Variants in FTO observed in about 807,000 individuals in gnomAD.
The protein encoded by FTO is alpha-ketoglutarate-dependent dioxygenase FTO.
Under a neutral mutation model 63.9 loss-of-function variants are expected in FTO, and 47 were observed. The ratio of observed to expected loss-of-function variants is 0.74; its 90% confidence interval spans 0.58 to 0.94. The LOEUF is 0.94. Among genes scored for constraint, FTO ranks in the 40% least tolerant of loss-of-function variants. FTO has a pLI of 0.00. For missense variants in FTO, 562 were observed against 618.1 expected (o/e 0.91, Z 0.96); for synonymous variants, 207 against 224.4 (o/e 0.92, Z 0.69).
Position 53,773,227 on chromosome 16 carries a change from C to T in FTO, c.46-36913C>T, listed in dbSNP as rs184724001. Among the ~76,000 whole-genome samples the T allele has an allele frequency of 1.7e-3, 254 of 151,972 alleles. 1 individual carries two copies. The highest frequency in any genetic ancestry group is 3.4e-3 in the African/African-American group (142 of 41,468). On this transcript the variant is annotated intron_variant, in intron 1 of 8. Coordinates refer to ENST00000471389, the MANE Select transcript of FTO (RefSeq NM_001080432.3). Reference sequence around the variant, plus strand: ...AAAGCAAGCATTTAGTTTGGGGAGCCCTCCAAATGTGATTTCTTCTACTCC... The same window carrying T: ...AAAGCAAGCATTTAGTTTGGGGAGCTCTCCAAATGTGATTTCTTCTACTCC...
At chr16:54,102,365 C>A (rs2144599392) in intron 8 of FTO, among the ~76,000 whole-genome samples, 1 of 152,262 alleles carries the variant, frequency 6.6e-6, no homozygotes, top group East Asian at 1.9e-4. Context: ...TTTACCAAAA[C>A]AAATCTCTTC....
chr16:53,825,933 G>T lies in FTO; in HGVS notation c.193G>T (p.Val65Phe), dbSNP rs1304763607. Residue 65 changes from valine to phenylalanine, a missense_variant, in exon 3 of 9, where the codon GTT becomes TTT. Physicochemically the swap from Val to Phe is conservative, Grantham distance 50. Coordinates refer to ENST00000471389, the MANE Select transcript of FTO (RefSeq NM_001080432.3). ...SSVSEELHKE[V>F]QEAFLTLHKH... ...TGTATCTGAGGAGCTCCATAAAGAG[G>T]TTCAAGAAGCCTTTCTCACACTGCA... is the stretch of plus-strand genomic sequence containing the variant. The T allele has an allele frequency of 1.2e-6, 2 of 1,614,006 alleles. No individual in the cohort carries two copies. Among genetic ancestry groups the T allele is most frequent in the Non-Finnish European group, 8.5e-7 (1 of 1,180,034 alleles).
chr16:53,937,439 A>G, intron 8 of FTO: 1 of 393,354 alleles, frequency 2.5e-6, no homozygotes, highest in Non-Finnish European at 4.5e-6. Context: ...GCGTAGCCCA[A>G]AGGTCAGTCT....
chr16:53,961,925 G>A (rs2083090253), intron 8 of FTO, among the ~76,000 whole-genome samples: 1 of 152,080 alleles, frequency 6.6e-6, no homozygotes, highest in Non-Finnish European at 1.5e-5. Context: ...CTAACTGGGA[G>A]TCCTTGAACA....
intron 8 of FTO, chr16:53,993,748 A>G (rs2083869425): frequency 6.6e-6 from 1 of 152,186 alleles, no homozygotes. Flanking sequence ...GGGTGATGTC[A>G]CTTAGGAAAG....
At chr16:54,049,206 C>T (rs2085257039) in intron 8 of FTO, among the ~76,000 whole-genome samples, 2 of 152,190 alleles carry the variant, frequency 1.3e-5, no homozygotes, top group African/African-American at 2.4e-5. Flanking sequence ...TGTAGTTCCA[C>T]AGCCTTAATT....
chr16:54,092,077 G>A (rs1177588478), intron 8 of FTO, among the ~76,000 whole-genome samples: 1 of 152,196 alleles, frequency 6.6e-6, no homozygotes, highest in Non-Finnish European at 1.5e-5. Context: ...AGGAGTTTGG[G>A]ACCAGCCTGG....
chr16:54,054,016 T>G lies in FTO; in HGVS notation c.1365-57746T>G, dbSNP rs1051312410. On this transcript the variant is annotated intron_variant, in intron 8 of 8. Coordinates refer to ENST00000471389, the MANE Select transcript of FTO (RefSeq NM_001080432.3). Reference sequence around the variant, plus strand: ...CCGTGCACTTAGATCCTGGTGTCGGTTTTTTTTTTCCTTGAACACTTTCTG... The same window carrying G: ...CCGTGCACTTAGATCCTGGTGTCGGGTTTTTTTTTCCTTGAACACTTTCTG... 2.0e-5 allele frequency among the ~76,000 whole-genome samples: 3 copies of G among 149,758 alleles called. No homozygotes were observed. In the East Asian group the frequency reaches 5.8e-4, roughly 29 times the overall value.
intron 8 of FTO, among the ~76,000 whole-genome samples, chr16:54,023,145 G>A (rs373889351): frequency 7.9e-5 from 12 of 152,334 alleles, no homozygotes; most frequent in African/African-American, 2.9e-4. Flanking sequence ...CAGAATCAAA[G>A]GCCAAACAGG....
At chr16:54,104,180 C>T (rs770330809) in intron 8 of FTO, among the ~76,000 whole-genome samples, 14 of 152,106 alleles carry the variant, frequency 9.2e-5, no homozygotes, top group Non-Finnish European at 1.5e-4. Context: ...ATTGGTCTCA[C>T]GCTCCCTTTA....
chr16:53,804,210 A>G (rs1486063262), intron 1 of FTO, among the ~76,000 whole-genome samples: 1 of 152,220 alleles, frequency 6.6e-6, no homozygotes, highest in African/African-American at 2.4e-5. Flanking sequence ...GGCTATACAC[A>G]CATAACAAAG....
chr16:53,881,281 G>A (rs987886235), intron 6 of FTO, among the ~76,000 whole-genome samples: 2 of 152,138 alleles, frequency 1.3e-5, no homozygotes, highest in Non-Finnish European at 2.9e-5. Context: ...TACATTATAG[G>A]AGAGGAACCA....
chr16:53,815,690 C>G (rs1047862618), intron 2 of FTO, among the ~76,000 whole-genome samples: 1 of 138,748 alleles, frequency 7.2e-6, no homozygotes, highest in African/African-American at 3.0e-5. Context: ...GCTCTGTCAC[C>G]CAGACTGGAA....
chr16:53,880,155 C>G (rs2151891062), intron 6 of FTO, among the ~76,000 whole-genome samples, 168 bp downstream of exon 6: 1 of 152,180 alleles, frequency 6.6e-6, no homozygotes, highest in South Asian at 2.1e-4. Context: ...CGCCACCACT[C>G]CTGGCTGATT....
Position 54,103,328 on chromosome 16 carries a change from A to G in FTO, c.1365-8434A>G, listed in dbSNP as rs192462099. ...TCTTCCCAGAAGCGTGAGGCCCAAA[A>G]GTAGATGTATATACAACTGGAAGTT... On this transcript the variant is annotated intron_variant, in intron 8 of 8. Transcript: ENST00000471389. 5.3e-5 allele frequency among the ~76,000 whole-genome samples: 8 copies of G among 152,312 alleles called. No individual in the cohort carries two copies. The East Asian group carries it at 1.5e-3, about 29-fold the overall frequency.
chr16:53,877,069 C>G (rs1405502289), intron 5 of FTO, among the ~76,000 whole-genome samples: 1 of 152,226 alleles, frequency 6.6e-6, no homozygotes, highest in Non-Finnish European at 1.5e-5. Flanking sequence ...ATAAAAAAGA[C>G]AGTGACAAGT....
rs1599335312 is a variant in FTO, at chr16:54,081,699, A to G, written c.1365-30063A>G. On this transcript the variant is annotated intron_variant, in intron 8 of 8. Coordinates refer to ENST00000471389, the MANE Select transcript of FTO (RefSeq NM_001080432.3). ...AATAGTAGGAGGCACCTAATCAGAA[A>G]TTCAAAATGAACAGCCTCACCGAAC... Among the ~76,000 whole-genome samples the G allele has an allele frequency of 2.6e-5, 4 of 152,356 alleles. No individual in the cohort carries two copies. The East Asian group carries it at 7.7e-4, about 29-fold the overall frequency.
At position 54,059,129 on chromosome 16, in the gene FTO, T is replaced by C. The variant is rs552793030; in HGVS notation, c.1365-52633T>C. On this transcript the variant is annotated intron_variant, in intron 8 of 8. Transcript: ENST00000471389. ...TACACACATTTGCTCAATTCAAGTG[T>C]AAAATTGGGCCCCTCGATTGCCCTG... Among the ~76,000 whole-genome samples, 4 of 152,332 alleles carry C rather than the reference T, an allele frequency of 2.6e-5. No individual in the cohort carries two copies. In the South Asian group the frequency reaches 6.2e-4, roughly 24 times the overall value.
At position 53,788,982 on chromosome 16, in the gene FTO, C is replaced by T. The variant is rs552988769; in HGVS notation, c.46-21158C>T. 4.6e-5 allele frequency among the ~76,000 whole-genome samples: 7 copies of T among 152,240 alleles called. No homozygotes were observed. The South Asian group carries it at 1.5e-3, about 32-fold the overall frequency. On this transcript the variant is annotated intron_variant, in intron 1 of 8. Transcript: ENST00000471389. The stretch of plus-strand genomic sequence containing the variant: ...GAAATACATTGCAAAGTGATGAAAG[C>T]TTTCTTAAATTCTGTTATAGTCATG...
Sources: gnomAD v4.1 joint callset for allele counts (sites outside exome capture counted in the v4.1 genomes callset) on GRCh38, gnomAD v4.1.1 for gene constraint, MANE v1.5 for transcripts, NCBI Gene and HGNC (gene_info 2026-07-23, HGNC 2026-07-21) for gene names.